The following ARB2A variants were observed in gnomAD, a reference collection of about 807,000 sequenced individuals.
The protein encoded by ARB2A is cotranscriptional regulator ARB2A.
chr5:93,975,036 T>C, the ARB2A span, among the ~76,000 whole-genome samples: 1 of 151,994 alleles, frequency 6.6e-6, no homozygotes, highest in East Asian at 1.9e-4. Context: ...AAATCTTAGC[T>C]GGGCGCGGTG....
the ARB2A span, among the ~76,000 whole-genome samples, chr5:93,773,392 T>C: frequency 5.3e-5 from 8 of 152,290 alleles, no homozygotes; most frequent in Non-Finnish European, 7.4e-5. Context: ...GGGTAATAAG[T>C]AGTATCTCTG....
At chr5:93,899,171 G>C in the ARB2A span, among the ~76,000 whole-genome samples, 1 of 152,028 alleles carries the variant, frequency 6.6e-6, no homozygotes, top group African/African-American at 2.4e-5. Flanking sequence ...CATTAACTCT[G>C]TAATGACCAT....
the ARB2A span, among the ~76,000 whole-genome samples, chr5:93,666,408 G>GA: frequency 4.2e-4 from 64 of 151,034 alleles, no homozygotes; most frequent in African/African-American, 1.5e-3. Context: ...TGGAACTTGT[G>GA]AAAAAAAATG....
At chr5:93,964,504 T>A in the ARB2A span, 1 of 1,582,410 alleles carries the variant, frequency 6.3e-7, no homozygotes. Context: ...CAGGAGCTCA[T>A]ATACATACTT....
At chr5:93,772,287 C>G in the ARB2A span, among the ~76,000 whole-genome samples, 1 of 152,010 alleles carries the variant, frequency 6.6e-6, no homozygotes. Context: ...AGGGGAACAA[C>G]ACACTCTGGG....
At chr5:93,715,918 G>T in the ARB2A span, among the ~76,000 whole-genome samples, 15 of 152,234 alleles carry the variant, frequency 9.9e-5, no homozygotes, top group East Asian at 2.9e-3. Context: ...CCTAGCTTTA[G>T]ACAGACTGTC....
At chr5:93,784,185 G>A in the ARB2A span, 4 of 502,392 alleles carry the variant, frequency 8.0e-6, no homozygotes, top group Non-Finnish European at 1.4e-5. Context: ...AAAGAAGGGA[G>A]GGGAGCTTTC....
chr5:93,705,211 A>G, the ARB2A span, among the ~76,000 whole-genome samples: 1 of 152,340 alleles, frequency 6.6e-6, no homozygotes, highest in African/African-American at 2.4e-5. Context: ...ATTTGGCTTA[A>G]TTCCAAGCAC....
the ARB2A span, among the ~76,000 whole-genome samples, chr5:93,696,634 T>C: frequency 6.6e-6 from 1 of 152,332 alleles, no homozygotes; most frequent in South Asian, 2.1e-4. Context: ...TACTTAGATC[T>C]TACCATTGTC....
chr5:93,846,403 G>C, the ARB2A span, among the ~76,000 whole-genome samples: 1 of 152,020 alleles, frequency 6.6e-6, no homozygotes, highest in African/African-American at 2.4e-5. Flanking sequence ...CTGGGAGGCT[G>C]AGGTGGGAGA....
the ARB2A span, among the ~76,000 whole-genome samples, chr5:93,626,394 T>C: frequency 6.6e-6 from 1 of 152,192 alleles, no homozygotes; most frequent in African/African-American, 2.4e-5. Context: ...ACCAAAAAGA[T>C]AATTTAAAAG....
the ARB2A span, among the ~76,000 whole-genome samples, chr5:93,631,217 T>C: frequency 6.6e-6 from 1 of 152,208 alleles, no homozygotes; most frequent in African/African-American, 2.4e-5. Flanking sequence ...GTAGACAGCC[T>C]GCCTTGCTGT....
the ARB2A span, among the ~76,000 whole-genome samples, chr5:93,628,718 T>C: frequency 2.0e-5 from 3 of 152,162 alleles, no homozygotes; most frequent in Non-Finnish European, 4.4e-5. Context: ...TCTTCTGAAG[T>C]TTCCAACTTT....
chr5:93,843,109 G>A, the ARB2A span, among the ~76,000 whole-genome samples: 2 of 152,134 alleles, frequency 1.3e-5, no homozygotes, highest in African/African-American at 4.8e-5. Context: ...TAGATGGGTG[G>A]GAGTGTGCAT....
At chr5:93,836,675 A>G in the ARB2A span, among the ~76,000 whole-genome samples, 2 of 152,174 alleles carry the variant, frequency 1.3e-5, no homozygotes, top group Non-Finnish European at 2.9e-5. Context: ...AATTGTATGC[A>G]TTTGTATTTA....
At chr5:93,893,894 C>T in the ARB2A span, among the ~76,000 whole-genome samples, 1 of 152,138 alleles carries the variant, frequency 6.6e-6, no homozygotes, top group East Asian at 1.9e-4. Context: ...CACAGTGTAG[C>T]ACATTATCCC....
the ARB2A span, chr5:93,683,593 A>T: frequency 1.4e-6 from 2 of 1,468,910 alleles, no homozygotes; most frequent in Non-Finnish European, 1.9e-6. Context: ...TCTTAAGGAT[A>T]ACTGGCGCTC....
At chr5:94,106,158 T>C in the ARB2A span, among the ~76,000 whole-genome samples, 3 of 151,980 alleles carry the variant, frequency 2.0e-5, no homozygotes, top group Admixed American at 2.0e-4. Flanking sequence ...AAAGAGCCTC[T>C]ACACAGCAAA....
At chr5:93,944,802 T>C in the ARB2A span, among the ~76,000 whole-genome samples, 1 of 152,148 alleles carries the variant, frequency 6.6e-6, no homozygotes, top group Non-Finnish European at 1.5e-5. Flanking sequence ...ATGTCACCTC[T>C]GTATATATTT....
Sources: allele counts gnomAD v4.1 joint callset (sites outside exome capture counted in the v4.1 genomes callset), GRCh38; gene constraint gnomAD v4.1.1; transcripts MANE v1.5; gene names NCBI Gene and HGNC (gene_info 2026-07-23, HGNC 2026-07-21).